TLE6: variants seen among roughly 807,000 people sequenced by gnomAD.
TLE6 encodes transducin-like enhancer protein 6.
In TLE6, 72 loss-of-function variants were observed where a neutral mutation model predicts 77.1. The ratio of observed to expected loss-of-function variants is 0.93; its 90% CI spans 0.77 to 1.14. The LOEUF (loss-of-function observed/expected upper bound fraction) is 1.14, where lower values mean the gene tolerates loss of function less well. TLE6 is among the 50% of genes most tolerant of loss of function. TLE6 has a pLI of 0.00. For missense variants in TLE6, 843 were observed against 747.6 expected (o/e 1.13, Z -1.49); for synonymous variants, 366 against 287.3 (o/e 1.27, Z -2.77).
chr19:2,978,370 TGGCCCCGCCCA>T, intron 2 of TLE6, 86 bp downstream of exon 2: 1 of 1,387,614 alleles, frequency 7.2e-7, no homozygotes, highest in Non-Finnish European at 1.0e-6. Context: ...TGACCTGGGC[TGGCCCCGCCCA>T]GGCCTCGCAG....
At position 2,991,861 on chromosome 19, in the gene TLE6, T is replaced by G; in HGVS notation, c.1263T>G (p.Pro421=). 6.2e-7 allele frequency: 1 copy of G among 1,613,852 alleles called. No homozygotes were observed. The highest frequency in any genetic ancestry group is 8.5e-7 in the Non-Finnish European group (1 of 1,179,962). ...TGGCCAGGGACCTCAAGGGTTATCCTGATGGAGTCAAGAGTATCGTGGTCA... is the reference window on the plus strand; with the variant it reads ...TGGCCAGGGACCTCAAGGGTTATCCGGATGGAGTCAAGAGTATCGTGGTCA... The part of the protein sequence containing the change: ...QSVVRDLKGY[P]DGVKSIVVKG... The change falls in exon 14 of 17, where the codon CCT becomes CCG. Residue 421 remains proline, a synonymous_variant. Transcript: ENST00000246112.
At chr19:2,986,050 G>A (rs2088901764) in intron 5 of TLE6, among the ~76,000 whole-genome samples, 1 of 114,994 alleles carries the variant, frequency 8.7e-6, no homozygotes, top group Admixed American at 1.2e-4. Flanking sequence ...CTCCTGCCTG[G>A]GCCACAGCGT....
chr19:2,981,222 T>C lies in TLE6; in HGVS notation c.135-316T>C, dbSNP rs551933204. Among the ~76,000 whole-genome samples the C allele has an allele frequency of 1.7e-3, 252 of 151,360 alleles. 3 individuals carry two copies. The highest frequency in any genetic ancestry group is 3.0e-3 in the Non-Finnish European group (202 of 67,840). On this transcript the variant is annotated intron_variant, in intron 3 of 16. Coordinates refer to ENST00000246112, the MANE Select transcript of TLE6 (RefSeq NM_001143986.2). Reference sequence around the variant, plus strand: ...AAAAATACAAAAAAATAGCTGGGTGTGGTGGCAGGTGTCTGTAATCCCAGC... The same window carrying C: ...AAAAATACAAAAAAATAGCTGGGTGCGGTGGCAGGTGTCTGTAATCCCAGC...
chr19:2,978,477 CTG>C (rs1415330060), intron 2 of TLE6, among the ~76,000 whole-genome samples, 193 bp downstream of exon 2: 4 of 152,258 alleles, frequency 2.6e-5, no homozygotes, highest in Middle Eastern at 3.4e-3. Context: ...AGGCTGGACA[CTG>C]TGGCTCACAA....
At chr19:2,989,437 A>T in intron 12 of TLE6, 98 bp from the exon 13 acceptor site, 1 of 1,568,646 alleles carries the variant, frequency 6.4e-7, no homozygotes, top group Non-Finnish European at 8.6e-7. Flanking sequence ...AATAGCTAGG[A>T]ACCTAAAGGA....
Position 2,990,529 on chromosome 19 carries a change from G to A in TLE6, c.1244+744G>A, listed in dbSNP as rs1183028818. The stretch of plus-strand genomic sequence containing the variant: ...TGAGGCAGGAGAATCCCTTGAACCC[G>A]GGAGGCGGAGCTTGCGGTGAGCCGA... On this transcript the variant is annotated intron_variant, in intron 13 of 16. Coordinates refer to ENST00000246112, the MANE Select transcript of TLE6 (RefSeq NM_001143986.2). Among the ~76,000 whole-genome samples, 7 of 150,072 alleles carry A rather than the reference G, an allele frequency of 4.7e-5. No homozygotes were observed. In the East Asian group the frequency reaches 5.9e-4, roughly 13 times the overall value.
intron 5 of TLE6, among the ~76,000 whole-genome samples, chr19:2,982,921 G>A (rs896678433): frequency 6.6e-6 from 1 of 152,134 alleles, no homozygotes; most frequent in Non-Finnish European, 1.5e-5. Flanking sequence ...TCAATGAGGG[G>A]CCATATGACA....
intron 3 of TLE6, 134 bp from the exon 4 acceptor site, chr19:2,981,404 G>GCCTTA: frequency 1.3e-6 from 1 of 798,788 alleles, no homozygotes. Flanking sequence ...TCTTGACACT[G>GCCTTA]CCTTAAATTT....
At chr19:2,991,701 G>A in intron 13 of TLE6, 142 bp from the exon 14 acceptor site, 1 of 744,466 alleles carries the variant, frequency 1.3e-6, no homozygotes. Context: ...TCTGTTTTCT[G>A]CCAACTTTGA....
chr19:2,978,248 C>G lies in TLE6; in HGVS notation c.15C>G (p.Asp5Glu). The G allele has an allele frequency of 1.3e-6, 2 of 1,551,492 alleles. No individual in the cohort carries two copies. The highest frequency in any genetic ancestry group is 1.7e-6 in the Non-Finnish European group (2 of 1,146,958). The change falls in exon 2 of 17, where the codon GAC (aspartate) becomes GAG (glutamate). Residue 5 changes from aspartate (D) to glutamate (E), a missense_variant. Coordinates refer to ENST00000246112, the MANE Select transcript of TLE6 (RefSeq NM_001143986.2). MTSRDQPRPKGPPKS... is the reference protein window; with the variant it reads MTSREQPRPKGPPKS... ...CTGCCTTGAAGATGACCTCTAGGGACCAGCCCAGACCCAAGGGCCCCCCGA... is the reference window on the plus strand; with the variant it reads ...CTGCCTTGAAGATGACCTCTAGGGAGCAGCCCAGACCCAAGGGCCCCCCGA...
intron 4 of TLE6, among the ~76,000 whole-genome samples, 181 bp downstream of exon 4, chr19:2,981,764 AGT>A (rs2088802741): frequency 6.6e-6 from 1 of 151,968 alleles, no homozygotes; most frequent in South Asian, 2.1e-4. Context: ...TGAGGTCAGG[AGT>A]TGGAGACCAG....
Position 2,992,015 on chromosome 19 carries a change from C to T in TLE6, c.1386+31C>T. On this transcript the variant is annotated intron_variant, in intron 14 of 16. Transcript: ENST00000246112. ...GAGGCCGGGATGGGGTCTGCTTGGC[C>T]AGGCATCCTCTGGTCCTCAGATTAA... 4 of 1,608,430 alleles carry T rather than the reference C, an allele frequency of 2.5e-6. 1 individual carries two copies. The highest frequency in any genetic ancestry group is 1.1e-5 in the South Asian group (1 of 90,884).
At position 2,981,533 on chromosome 19, in the gene TLE6, C is replaced by G. The variant is rs1174586307; in HGVS notation, c.135-5C>G. 3.2e-6 allele frequency: 5 copies of G among 1,551,438 alleles called. No homozygotes were observed. In the African/African-American group the frequency reaches 6.8e-5, roughly 21 times the overall value. On this transcript the variant is annotated splice_region_variant and splice_polypyrimidine_tract_variant and intron_variant, in intron 3 of 16. Transcript: ENST00000246112. ...GTCTTCCAGCCTGTCCTCCTTCCCC[C>G]TCAGGTTTTCTCCTCATTTTGCTGC...
chr19:2,985,752 G>C (rs1465282777), intron 5 of TLE6, among the ~76,000 whole-genome samples: 1 of 150,162 alleles, frequency 6.7e-6, no homozygotes, highest in Non-Finnish European at 1.5e-5. Context: ...GTGTGGTGGT[G>C]GTCAGGTTTT....
intron 16 of TLE6, 88 bp from the exon 17 acceptor site, chr19:2,994,812 G>T: frequency 1.4e-6 from 1 of 715,286 alleles, no homozygotes; most frequent in Non-Finnish European, 2.4e-6. Context: ...TTTCTTTGAA[G>T]AGACGATGCT....
At position 2,978,107 on chromosome 19, in the gene TLE6, G is replaced by A. The variant is rs1019025816; in HGVS notation, c.-36-91G>A. The A allele has an allele frequency of 5.5e-6, 5 of 916,360 alleles. No individual in the cohort carries two copies. In the African/African-American group the frequency reaches 8.3e-5, roughly 15 times the overall value. The allele number at this position is 916,360 out of a possible 1,614,324, so 56.8% of individuals were successfully genotyped here. ...TGGGTCCCTGGAGACTTACCAAACT[G>A]GGAGGTGCGGGTGGGGTAACGGGTG... On this transcript the variant is annotated intron_variant, in intron 1 of 16. Transcript: ENST00000246112.
intron 3 of TLE6, among the ~76,000 whole-genome samples, chr19:2,981,124 C>G (rs2088789262): frequency 6.6e-6 from 1 of 151,552 alleles, no homozygotes. Flanking sequence ...TTTGGGAGGC[C>G]GAGGTGGGCG....
intron 5 of TLE6, 131 bp from the exon 6 acceptor site, chr19:2,986,698 A>T: frequency 1.1e-6 from 1 of 911,790 alleles, no homozygotes; most frequent in Non-Finnish European, 1.7e-6. Flanking sequence ...TGGGTGACAG[A>T]GTGAGACTCT....
In TLE6 at chr19:2,991,884, T is replaced by G; in HGVS notation, c.1286T>G (p.Val429Gly). The change falls in exon 14 of 17, where the codon GTC becomes GGC. Residue 429 changes from valine (V) to glycine (G), a missense_variant. Coordinates refer to ENST00000246112, the MANE Select transcript of TLE6 (RefSeq NM_001143986.2). ...GYPDGVKSIVVKGYNIWTGGP... is the reference protein window; with the variant it reads ...GYPDGVKSIVGKGYNIWTGGP... ...CCTGATGGAGTCAAGAGTATCGTGG[T>G]CAAGGGCTACAACATCTGGACTGGG... is the stretch of plus-strand genomic sequence containing the variant. 6.2e-7 allele frequency: 1 copy of G among 1,613,812 alleles called. No homozygotes were observed. Among genetic ancestry groups the G allele is most frequent in the Admixed American group, 1.7e-5 (1 of 59,930 alleles).
Sources: gnomAD v4.1 joint callset for allele counts (sites outside exome capture counted in the v4.1 genomes callset) on GRCh38, gnomAD v4.1.1 for gene constraint, MANE v1.5 for transcripts, NCBI Gene and HGNC (gene_info 2026-07-23, HGNC 2026-07-21) for gene names.